Variants in C9 observed in about 807,000 individuals in gnomAD.
C9 encodes the protein complement component C9.
C9 carries 63 observed loss-of-function variants against 65.4 expected under a neutral mutation model. That is an observed-to-expected ratio of 0.96 (90% confidence interval 0.79 to 1.19). The LOEUF (loss-of-function observed/expected upper bound fraction) is 1.19. Among genes scored for constraint, C9 ranks in the 50% most tolerant of loss-of-function variants. The pLI is 0.00. For missense variants in C9, 744 were observed against 670.1 expected (o/e 1.11, Z -1.22); for synonymous variants, 229 against 227.9 (o/e 1.00, Z -0.04).
rs745342645 is a variant in C9, at chr5:39,311,137, C to G, written c.1111G>C (p.Gly371Arg). The change falls in exon 7 of 11, where the codon GGT becomes CGT. Residue 371 changes from glycine (G) to arginine (R), a missense_variant and splice_region_variant. Physicochemically the swap from Gly to Arg is moderately radical, Grantham distance 125 (BLOSUM62 -2). Transcript: ENST00000263408. ...GTCAGAGCTCTATTTCTAGGCATAC[C>G]TTTCCGCTTCATGGAAGCTTTATCC... The part of the protein sequence containing the change: ...VLDKASMKRK[G>R]VELKDIKRCL... 1.2e-6 allele frequency: 2 copies of G among 1,613,194 alleles called. No homozygotes were observed. The highest frequency in any genetic ancestry group is 1.3e-5 in the African/African-American group (1 of 74,888).
rs542660555 is a variant in C9 at position 39,358,483 on chromosome 5, T to C, written c.77+5905A>G. 2.2e-4 allele frequency among the ~76,000 whole-genome samples: 34 copies of C among 152,270 alleles called. 1 individual carries two copies. The East Asian group carries it at 2.5e-3, about 11-fold the overall frequency. On this transcript the variant is annotated intron_variant, in intron 1 of 10. Coordinates refer to ENST00000263408, the MANE Select transcript of C9 (RefSeq NM_001737.5). ...GCCATGGACAGGTGTTTGGATTTGA[T>C]TCTGAGCTTGCTAGGAATACTTAGA...
chr5:39,311,968 T>C (rs889367257), intron 6 of C9, among the ~76,000 whole-genome samples: 6 of 152,116 alleles, frequency 3.9e-5, no homozygotes, highest in Non-Finnish European at 7.4e-5. Context: ...TTATATGAAG[T>C]TCTAGACTAG....
Position 39,306,689 on chromosome 5 carries a change from G to C in C9, c.1344C>G (p.Thr448=), listed in dbSNP as rs1366887364. 4.3e-6 allele frequency: 7 copies of C among 1,613,228 alleles called. No homozygotes were observed. The highest frequency in any genetic ancestry group is 5.9e-6 in the Non-Finnish European group (7 of 1,179,424). ...FELKEKLLRG[T]VIDVTDFVNW... is the part of the protein sequence containing the mutation. ...TGACAAAGTCAGTCACATCAATCAC[G>C]GTTCCTCGGAGAAGCTTTTCTTTCA... The change falls in exon 9 of 11, where the codon ACC becomes ACG. Residue 448 remains threonine (T), a synonymous_variant. Coordinates refer to ENST00000263408, the MANE Select transcript of C9 (RefSeq NM_001737.5).
At chr5:39,299,060 A>G (rs961611134) in intron 9 of C9, among the ~76,000 whole-genome samples, 1 of 152,002 alleles carries the variant, frequency 6.6e-6, no homozygotes, top group Non-Finnish European at 1.5e-5. Context: ...GAGATAATCT[A>G]TGTAAAACCT....
intron 5 of C9, among the ~76,000 whole-genome samples, chr5:39,321,331 A>G (rs900600470): frequency 6.6e-6 from 1 of 152,140 alleles, no homozygotes; most frequent in Non-Finnish European, 1.5e-5. Flanking sequence ...TTATGTTGCT[A>G]ACAGTTTAAA....
chr5:39,312,096 T>C (rs961520253), intron 6 of C9, among the ~76,000 whole-genome samples: 9 of 152,100 alleles, frequency 5.9e-5, no homozygotes, highest in African/African-American at 1.9e-4. Flanking sequence ...CTCTTCATGA[T>C]GGAATTTTCT....
chr5:39,341,632 GTC>G lies in C9; in HGVS notation c.250_251del (p.Asp84GlnfsTer11). ...GCTCTGTGGGCACACACTGTCGTCT[GTC>G]TCCCACAGCGTCGGTGCATCTTTTC... The part of the protein sequence containing the change: ...NGKRCTDAVG[D>X]RRQCVPTEPC... On this transcript the variant is annotated frameshift_variant, in exon 3 of 11. Coordinates refer to ENST00000263408, the MANE Select transcript of C9 (RefSeq NM_001737.5). LOFTEE classifies it high-confidence loss of function. The G allele has an allele frequency of 6.2e-7, 1 of 1,613,658 alleles. No homozygotes were observed.
chr5:39,308,180 G>A (rs973203760), intron 8 of C9, 50 bp downstream of exon 8: 2 of 1,554,362 alleles, frequency 1.3e-6, no homozygotes, highest in Non-Finnish European at 8.9e-7. Context: ...AGTGCTCATT[G>A]ACATCTACCC....
intron 7 of C9, among the ~76,000 whole-genome samples, chr5:39,308,611 A>C (rs1328925756): frequency 6.6e-6 from 1 of 152,200 alleles, no homozygotes; most frequent in Non-Finnish European, 1.5e-5. Flanking sequence ...TATAGGTCAG[A>C]CTATGGTGGT....
chr5:39,299,942 A>T (rs1753253034), intron 9 of C9, among the ~76,000 whole-genome samples: 1 of 152,184 alleles, frequency 6.6e-6, no homozygotes, highest in Admixed American at 6.6e-5. Context: ...AAAGACTCTG[A>T]TGACTGGAAA....
chr5:39,291,627 G>C (rs1049155206), intron 9 of C9, among the ~76,000 whole-genome samples: 4 of 151,536 alleles, frequency 2.6e-5, no homozygotes, highest in South Asian at 2.1e-4. Flanking sequence ...GAGAAAAATT[G>C]CTAAAAAAAC....
At chr5:39,364,084 AG>A (rs1378235346) in intron 1 of C9, among the ~76,000 whole-genome samples, 19 of 152,210 alleles carry the variant, frequency 1.2e-4, no homozygotes, top group African/African-American at 4.6e-4. Flanking sequence ...TAATAAACCC[AG>A]GTTCATCATA....
intron 9 of C9, among the ~76,000 whole-genome samples, chr5:39,300,744 G>A (rs1426229476): frequency 6.6e-6 from 1 of 152,012 alleles, no homozygotes; most frequent in Non-Finnish European, 1.5e-5. Flanking sequence ...CCAAGTACAA[G>A]GAGAAATAAA....
intron 9 of C9, among the ~76,000 whole-genome samples, chr5:39,300,264 T>C (rs1753257337): frequency 6.6e-6 from 1 of 152,080 alleles, no homozygotes; most frequent in Non-Finnish European, 1.5e-5. Flanking sequence ...ATACAAAAAT[T>C]AGCTGTGCAT....
chr5:39,297,891 T>C (rs930810522), intron 9 of C9, among the ~76,000 whole-genome samples: 1 of 151,736 alleles, frequency 6.6e-6, no homozygotes, highest in Admixed American at 6.6e-5. Flanking sequence ...GCAGAATACA[T>C]ATTCTTTTCA....
intron 9 of C9, among the ~76,000 whole-genome samples, chr5:39,291,239 G>A (rs1753087740): frequency 6.8e-6 from 1 of 146,084 alleles, no homozygotes; most frequent in Admixed American, 7.2e-5. Context: ...GCAAAGAACT[G>A]GAAGTTATTA....
chr5:39,341,459 G>T, intron 3 of C9, 97 bp downstream of exon 3: 1 of 1,505,446 alleles, frequency 6.6e-7, no homozygotes, highest in Non-Finnish European at 9.2e-7. Flanking sequence ...TTTCACGCTT[G>T]GAAATCCAAG....
chr5:39,361,619 G>A (rs529159821), intron 1 of C9, among the ~76,000 whole-genome samples: 13 of 152,126 alleles, frequency 8.5e-5, no homozygotes, highest in Admixed American at 1.3e-4. Context: ...TACTTAAGGC[G>A]CAGAGCCAGT....
chr5:39,314,683 A>T (rs1753542109), intron 6 of C9, among the ~76,000 whole-genome samples: 1 of 152,096 alleles, frequency 6.6e-6, no homozygotes, highest in Non-Finnish European at 1.5e-5. Context: ...CAGATAAATA[A>T]TCTGAAATCT....
Sources: gnomAD v4.1 joint callset for allele counts (sites outside exome capture counted in the v4.1 genomes callset) on GRCh38, gnomAD v4.1.1 for gene constraint, MANE v1.5 for transcripts, NCBI Gene and HGNC (gene_info 2026-07-23, HGNC 2026-07-21) for gene names.